The following DLGAP1 variants were observed in gnomAD, a reference collection of about 807,000 sequenced individuals.
DLGAP1 encodes disks large-associated protein 1.
In DLGAP1, 11 loss-of-function variants were observed where a neutral mutation model predicts 90.8. The observed-to-expected ratio is 0.12, with a 90% CI of 0.08 to 0.20. DLGAP1 has a LOEUF of 0.20. DLGAP1 is among the 10% of genes least tolerant of loss of function. The probability of loss-of-function intolerance (pLI) is 1.00; values close to 1 mark genes in which losing one functional copy is unlikely to be tolerated. For synonymous variants in DLGAP1, 558 were observed against 540.7 expected, an observed-to-expected ratio of 1.03 and a Z score of -0.44; for missense variants, 1,050 against 1,333.8, an observed-to-expected ratio of 0.79 and a Z score of 3.31.
At chr18:3,874,374 A>G in intron 4 of DLGAP1, 1 of 1,481,508 alleles carries the variant, frequency 6.7e-7, no homozygotes, top group Non-Finnish European at 8.9e-7. Context: ...GGCTGAATGA[A>G]TGCAAAATAC....
intron 7 of DLGAP1, among the ~76,000 whole-genome samples, chr18:3,670,730 C>T (rs528051990): frequency 2.0e-5 from 3 of 152,292 alleles, no homozygotes; most frequent in African/African-American, 4.8e-5. Flanking sequence ...ATGTAAGTCA[C>T]AATTCTGATT....
intron 10 of DLGAP1, among the ~76,000 whole-genome samples, chr18:3,525,508 T>C (rs1192301004): frequency 6.6e-6 from 1 of 152,204 alleles, no homozygotes; most frequent in Non-Finnish European, 1.5e-5. Flanking sequence ...CAAGCAGTTC[T>C]CCTTCCTCAG....
chr18:3,551,058 T>C (rs1008299367), intron 9 of DLGAP1, among the ~76,000 whole-genome samples: 6 of 151,940 alleles, frequency 3.9e-5, no homozygotes, highest in Admixed American at 1.3e-4. Flanking sequence ...ACCAGACTTA[T>C]GCCTCTAGCC....
At chr18:4,123,703 G>C (rs1474254837) in intron 2 of DLGAP1, among the ~76,000 whole-genome samples, 5 of 152,124 alleles carry the variant, frequency 3.3e-5, no homozygotes, top group Non-Finnish European at 7.4e-5. Flanking sequence ...ATTGCCCTGC[G>C]AATACAAAAA....
At chr18:4,441,939 C>T (rs1283362553) in intron 1 of DLGAP1, among the ~76,000 whole-genome samples, 2 of 152,300 alleles carry the variant, frequency 1.3e-5, no homozygotes, top group South Asian at 4.1e-4. Flanking sequence ...CAGCTCCACC[C>T]ATGGTAGGTC....
At chr18:4,447,633 G>A (rs573212145) in intron 1 of DLGAP1, among the ~76,000 whole-genome samples, 2 of 152,134 alleles carry the variant, frequency 1.3e-5, no homozygotes, top group African/African-American at 4.8e-5. Flanking sequence ...AATTTTTGGT[G>A]TTCCTGAAAT....
At chr18:4,050,395 G>A (rs2075116593) in intron 2 of DLGAP1, among the ~76,000 whole-genome samples, 1 of 152,122 alleles carries the variant, frequency 6.6e-6, no homozygotes, top group South Asian at 2.1e-4. Flanking sequence ...GATATTATTT[G>A]TTCTTCAGAG....
intron 1 of DLGAP1, among the ~76,000 whole-genome samples, chr18:4,176,946 C>A (rs935926648): frequency 6.6e-6 from 1 of 152,128 alleles, no homozygotes; most frequent in Non-Finnish European, 1.5e-5. Flanking sequence ...TACCTGTTGG[C>A]CCCAACATCA....
intron 7 of DLGAP1, among the ~76,000 whole-genome samples, chr18:3,659,394 TACACACACACACACACAC>T (rs71366699): frequency 5.9e-5 from 6 of 102,174 alleles, no homozygotes; most frequent in South Asian, 7.6e-4. Context: ...CATACATTTA[TACACACACACACACACAC>T]ACACACACAC....
intron 5 of DLGAP1, among the ~76,000 whole-genome samples, chr18:3,743,121 G>C (rs2063128195): frequency 6.6e-6 from 1 of 151,980 alleles, no homozygotes; most frequent in South Asian, 2.1e-4. Flanking sequence ...GTATTCTTTG[G>C]ATTTATTCTA....
intron 7 of DLGAP1, among the ~76,000 whole-genome samples, chr18:3,705,000 G>A (rs1315373047): frequency 2.6e-5 from 4 of 152,178 alleles, no homozygotes; most frequent in Non-Finnish European, 5.9e-5. Context: ...CTATATTTGG[G>A]GATTCCAGAA....
intron 1 of DLGAP1, among the ~76,000 whole-genome samples, chr18:4,185,138 G>T (rs2077269607): frequency 6.6e-6 from 1 of 151,908 alleles, no homozygotes; most frequent in Non-Finnish European, 1.5e-5. Flanking sequence ...ATTTGCAAAA[G>T]GTGTGAGTGA....
intron 7 of DLGAP1, among the ~76,000 whole-genome samples, chr18:3,726,827 T>G (rs769894512): frequency 1.1e-4 from 17 of 152,290 alleles, no homozygotes; most frequent in Non-Finnish European, 1.3e-4. Context: ...GCCTGGAGCC[T>G]TCCCCAAGAG....
At chr18:4,309,412 T>A (rs1445469293) in intron 1 of DLGAP1, among the ~76,000 whole-genome samples, 1 of 152,116 alleles carries the variant, frequency 6.6e-6, no homozygotes, top group Non-Finnish European at 1.5e-5. Context: ...GCAAGAGAAT[T>A]TGCAGAGTTT....
intron 3 of DLGAP1, among the ~76,000 whole-genome samples, chr18:3,894,240 GT>G (rs1206076908): frequency 1.3e-5 from 2 of 151,942 alleles, no homozygotes; most frequent in African/African-American, 2.4e-5. Flanking sequence ...TTTATTTTTT[GT>G]TTTTGTTGCA....
In DLGAP1 at chr18:4,001,908, T is replaced by A. The variant is rs150106651; in HGVS notation, c.-73+3208A>T. Among the ~76,000 whole-genome samples the A allele has an allele frequency of 2.6e-5, 4 of 152,284 alleles. No individual in the cohort carries two copies. In the East Asian group the frequency reaches 7.7e-4, roughly 29 times the overall value. ...CACCAAGCCTTACAGTGAATACTTG[T>A]GAACTGTTTTTGTTTCTCTGCCTCT... On this transcript the variant is annotated intron_variant, in intron 3 of 12. Coordinates refer to ENST00000315677, the MANE Select transcript of DLGAP1 (RefSeq NM_004746.4).
chr18:4,098,776 G>T (rs1235913470), intron 2 of DLGAP1, among the ~76,000 whole-genome samples: 1 of 152,118 alleles, frequency 6.6e-6, no homozygotes, highest in Non-Finnish European at 1.5e-5. Context: ...TATCCAGAGG[G>T]CAGCAGATAT....
chr18:3,771,696 C>A (rs2064559038), intron 5 of DLGAP1, among the ~76,000 whole-genome samples: 2 of 152,182 alleles, frequency 1.3e-5, no homozygotes, highest in African/African-American at 4.8e-5. Flanking sequence ...ATGTCAGGGG[C>A]CTGGATTGCT....
At chr18:4,163,529 A>G in intron 1 of DLGAP1, among the ~76,000 whole-genome samples, 1 of 152,214 alleles carries the variant, frequency 6.6e-6, no homozygotes, top group East Asian at 1.9e-4. Context: ...ATTAGTTCCC[A>G]CATGGTTCAC....
Sources: gnomAD v4.1 joint callset for allele counts (sites outside exome capture counted in the v4.1 genomes callset) on GRCh38, gnomAD v4.1.1 for gene constraint, MANE v1.5 for transcripts, NCBI Gene and HGNC (gene_info 2026-07-23, HGNC 2026-07-21) for gene names.